The following OTOG variants were observed in gnomAD, a reference collection of about 807,000 sequenced individuals.
OTOG encodes the protein otogelin.
OTOG carries 296 observed loss-of-function variants against 313.8 expected under a neutral mutation model. That is an observed-to-expected ratio of 0.94 (90% CI 0.86 to 1.04). The LOEUF is 1.04. Among genes scored for constraint, OTOG ranks in the 50% least tolerant of loss-of-function variants. The pLI is 0.00. For synonymous variants in OTOG, 1,533 were observed against 1,554.9 expected (o/e 0.99, Z 0.33); for missense variants, 3,948 against 3,840.1 (o/e 1.03, Z -0.74).
chr11:17,632,017 G>T, intron 41 of OTOG, 71 bp from the exon 42 acceptor site: 1 of 1,541,008 alleles, frequency 6.5e-7, no homozygotes, highest in South Asian at 1.2e-5. Context: ...CTTTTGGGCA[G>T]GGAGGGGAGG....
At chr11:17,598,628 G>T (rs1052745904) in intron 30 of OTOG, among the ~76,000 whole-genome samples, 2 of 152,156 alleles carry the variant, frequency 1.3e-5, no homozygotes, top group African/African-American at 4.8e-5. Flanking sequence ...TTTCACTGAC[G>T]TTAAGTAATT....
rs548792834 is a variant in OTOG, at chr11:17,560,891, G to A, written c.1451+74G>A. On this transcript the variant is annotated intron_variant, in intron 13 of 55. Coordinates refer to ENST00000399397, the MANE Select transcript of OTOG (RefSeq NM_001292063.2). ...CTTTCCACGAGGGCTGCCCATCTGGGAGCACTAATGGCTGGCGTCGGGGCA... is the reference window on the plus strand; with the variant it reads ...CTTTCCACGAGGGCTGCCCATCTGGAAGCACTAATGGCTGGCGTCGGGGCA... The A allele has an allele frequency of 2.2e-6, 3 of 1,335,574 alleles. No homozygotes were observed. The Admixed American group carries it at 5.9e-5, about 26-fold the overall frequency. 82.7% of individuals were successfully genotyped at this position (1,335,574 alleles called of 1,614,324 possible). A position where few individuals can be genotyped will look rare whatever the true frequency, so the allele number is the denominator to read the frequency against.
intron 1 of OTOG, among the ~76,000 whole-genome samples, 176 bp from the exon 2 acceptor site, chr11:17,547,751 C>A (rs1851841062): frequency 6.6e-6 from 1 of 151,988 alleles, no homozygotes; most frequent in Non-Finnish European, 1.5e-5. Flanking sequence ...ACAGGGAGAT[C>A]CTGGCTGGAG....
chr11:17,587,989 A>G (rs1343706208), intron 24 of OTOG, among the ~76,000 whole-genome samples: 2 of 152,230 alleles, frequency 1.3e-5, no homozygotes, highest in African/African-American at 2.4e-5. Flanking sequence ...GTTACATTGA[A>G]TCCTCTCCTG....
intron 19 of OTOG, among the ~76,000 whole-genome samples, chr11:17,574,375 G>A (rs565617009): frequency 6.6e-6 from 1 of 152,128 alleles, no homozygotes; most frequent in African/African-American, 2.4e-5. Context: ...TGTGAGTTAC[G>A]GGGTGGGTGC....
At chr11:17,561,624 C>T (rs772829222) in intron 14 of OTOG, 38 bp from the exon 15 acceptor site, 120 of 1,548,942 alleles carry the variant, frequency 7.7e-5, no homozygotes, top group Non-Finnish European at 9.4e-5. Flanking sequence ...TCCCCTGGGG[C>T]GGCTCCCATG....
In OTOG at chr11:17,576,704, T is replaced by C. The variant is rs1852535834; in HGVS notation, c.2561+74T>C. ...TGCTGACTGAAGACAGTGCAGCTGA[T>C]GGAACTTTCTGTGAAGGGACACCCA... is the stretch of plus-strand genomic sequence containing the variant. On this transcript the variant is annotated intron_variant, in intron 21 of 55. Transcript: ENST00000399397. The C allele has an allele frequency of 8.2e-6, 12 of 1,469,150 alleles. No homozygotes were observed. In the South Asian group the frequency reaches 1.3e-4, roughly 16 times the overall value. 91.0% of individuals were successfully genotyped at this position (1,469,150 alleles called of 1,614,324 possible).
intron 11 of OTOG, 88 bp from the exon 12 acceptor site, chr11:17,559,446 C>T: frequency 1.3e-6 from 2 of 1,507,396 alleles, no homozygotes; most frequent in South Asian, 2.5e-5. Flanking sequence ...CCCTCCCTCC[C>T]ATCCTCACTC....
At chr11:17,638,102 G>A (rs1854306132) in intron 47 of OTOG, among the ~76,000 whole-genome samples, 1 of 152,236 alleles carries the variant, frequency 6.6e-6, no homozygotes, top group African/African-American at 2.4e-5. Flanking sequence ...GGTGGGAAAG[G>A]TTGTGTTAGA....
At chr11:17,585,413 T>G (rs936369819) in intron 23 of OTOG, among the ~76,000 whole-genome samples, 2 of 152,224 alleles carry the variant, frequency 1.3e-5, no homozygotes, top group Admixed American at 1.3e-4. Context: ...ATCATTCAGT[T>G]TAGACAGGGG....
At chr11:17,573,036 C>A (rs1321278102) in intron 18 of OTOG, 42 bp from the exon 19 acceptor site, 2 of 1,487,374 alleles carry the variant, frequency 1.3e-6, no homozygotes, top group Admixed American at 2.0e-5. Flanking sequence ...ACCAGGTAGA[C>A]CGACTCCCCT....
In OTOG at chr11:17,605,994, G is replaced by A. The variant is rs1369443484; in HGVS notation, c.4015G>A (p.Gly1339Arg). The change falls in exon 33 of 56, where the codon GGG (glycine) becomes AGG (arginine). Residue 1339 changes from glycine (G) to arginine (R), a missense_variant. Physicochemically the swap from Gly to Arg is moderately radical, Grantham distance 125. Transcript: ENST00000399397. The part of the protein sequence containing the change: ...QQHASFLLHR[G>R]TRQAGLVALE... ...GCATGCCTCCTTCTTGCTGCACCGG[G>A]GGACACGGCAGGCAGGCCTGGTGGC... 6.4e-7 allele frequency: 1 copy of A among 1,550,602 alleles called. No individual in the cohort carries two copies. Among genetic ancestry groups the A allele is most frequent in the Non-Finnish European group, 8.7e-7 (1 of 1,147,006 alleles).
chr11:17,575,941 G>A (rs182766828), intron 20 of OTOG, among the ~76,000 whole-genome samples: 1 of 152,328 alleles, frequency 6.6e-6, no homozygotes, highest in Admixed American at 6.5e-5. Flanking sequence ...ATAATCGGCA[G>A]GTTCTGTGGG....
Position 17,586,511 on chromosome 11 carries a change from G to A in OTOG, c.2797G>A (p.Glu933Lys), listed in dbSNP as rs1239186482. 8.3e-6 allele frequency: 12 copies of A among 1,451,352 alleles called. 1 individual carries two copies. The highest frequency in any genetic ancestry group is 1.1e-5 in the Non-Finnish European group (12 of 1,097,082). The allele number at this position is 1,451,352 out of a possible 1,614,324, so 89.9% of individuals were successfully genotyped here. A position where few individuals can be genotyped will look rare whatever the true frequency, so the allele number is the denominator to read the frequency against. ...CGGGGATGCATGTTTCCTGCCAGAG[G>A]AGTGCCCCTGCACTTGGAAGGGGAA... ...RHGDACFLPEECPCTWKGKEY... is the reference protein window; with the variant it reads ...RHGDACFLPEKCPCTWKGKEY... Residue 933 changes from glutamate to lysine, a missense_variant, in exon 24 of 56, where the codon GAG becomes AAG. Transcript: ENST00000399397.
intron 15 of OTOG, 120 bp downstream of exon 15, chr11:17,561,927 C>T (rs1437531585): frequency 1.6e-6 from 2 of 1,265,212 alleles, no homozygotes; most frequent in Non-Finnish European, 2.2e-6. Context: ...GCTGCCTCTT[C>T]TCTCTGGGGA....
intron 42 of OTOG, 70 bp downstream of exon 42, chr11:17,632,296 G>T: frequency 4.8e-6 from 7 of 1,468,348 alleles, no homozygotes; most frequent in Non-Finnish European, 5.5e-6. Flanking sequence ...GTGGGAAAAG[G>T]CTCCCGGCCC....
At chr11:17,568,560 A>G (rs1403804822) in intron 15 of OTOG, among the ~76,000 whole-genome samples, 2 of 152,190 alleles carry the variant, frequency 1.3e-5, no homozygotes, top group East Asian at 1.9e-4. Context: ...TTGTCTTATC[A>G]CTGAATCCAT....
chr11:17,554,660 C>T (rs1314816364), intron 6 of OTOG, among the ~76,000 whole-genome samples: 3 of 152,228 alleles, frequency 2.0e-5, no homozygotes, highest in African/African-American at 7.2e-5. Flanking sequence ...ACCTATGAGA[C>T]TGCTCTAGGG....
Position 17,570,287 on chromosome 11 carries a change from G to A in OTOG, c.1852G>A (p.Asp618Asn), listed in dbSNP as rs528477122. ...GAACGTGGGCGTGCGGGTGCTCTAC[G>A]ACCGTGAAGGGCTCCGACTGTACCT... ...RTNVGVRVLY[D>N]REGLRLYLQV... The change falls in exon 17 of 56, where the codon GAC (aspartate) becomes AAC (asparagine). Residue 618 changes from aspartate to asparagine, a missense_variant. Asp to Asn is a conservative substitution (Grantham distance 23). Transcript: ENST00000399397. 1.9e-4 allele frequency: 302 copies of A among 1,550,690 alleles called. No individual in the cohort carries two copies. Among genetic ancestry groups the A allele is most frequent in the Non-Finnish European group, 2.6e-4 (297 of 1,147,044 alleles).
Sources: gnomAD v4.1 joint callset for allele counts (sites outside exome capture counted in the v4.1 genomes callset) on GRCh38, gnomAD v4.1.1 for gene constraint, MANE v1.5 for transcripts, NCBI Gene and HGNC (gene_info 2026-07-23, HGNC 2026-07-21) for gene names.